The following WDR72 variants were observed in gnomAD, a reference collection of about 807,000 sequenced individuals.
The protein encoded by WDR72 is WD repeat domain 72.
In WDR72, 120 loss-of-function variants were observed where a neutral mutation model predicts 124.2. The observed-to-expected ratio is 0.97, with a 90% confidence interval of 0.83 to 1.12. The LOEUF (loss-of-function observed/expected upper bound fraction) is 1.12, where lower values mean the gene tolerates loss of function less well. Ranked by LOEUF, WDR72 falls within the 50% of genes most tolerant of loss-of-function variation. WDR72 has a pLI of 0.00. For synonymous variants in WDR72, 452 were observed against 441.7 expected, an observed-to-expected ratio of 1.02 and a Z score of -0.29; for missense variants, 1,387 against 1,278.8, an observed-to-expected ratio of 1.08 and a Z score of -1.29.
intron 16 of WDR72, among the ~76,000 whole-genome samples, chr15:53,612,414 C>T (rs1255280295): frequency 6.6e-6 from 1 of 151,952 alleles, no homozygotes; most frequent in Non-Finnish European, 1.5e-5. Context: ...AGTGCTGCTG[C>T]AGTGATAAAG....
At chr15:53,630,167 T>C (rs902208812) in intron 14 of WDR72, among the ~76,000 whole-genome samples, 6 of 151,990 alleles carry the variant, frequency 3.9e-5, no homozygotes, top group African/African-American at 7.2e-5. Context: ...TAAGAAGAAA[T>C]AGAAAGTGGA....
intron 3 of WDR72, among the ~76,000 whole-genome samples, chr15:53,721,249 C>T (rs1327084386): frequency 6.6e-6 from 1 of 152,204 alleles, no homozygotes; most frequent in African/African-American, 2.4e-5. Context: ...CAGAATTCAT[C>T]TTTCATCAAA....
intron 2 of WDR72, among the ~76,000 whole-genome samples, chr15:53,729,680 C>A (rs1372566879): frequency 6.6e-6 from 1 of 152,064 alleles, no homozygotes; most frequent in Non-Finnish European, 1.5e-5. Context: ...CCTGTGTTTG[C>A]AAACTCACCT....
intron 13 of WDR72, among the ~76,000 whole-genome samples, chr15:53,698,450 T>C (rs147485849): frequency 1.5e-3 from 224 of 152,336 alleles, no homozygotes; most frequent in African/African-American, 5.1e-3. Flanking sequence ...TAGTCAACTA[T>C]TACTAAGGGC....
At chr15:53,552,536 A>G (rs1438691262) in intron 18 of WDR72, among the ~76,000 whole-genome samples, 2 of 152,172 alleles carry the variant, frequency 1.3e-5, no homozygotes, top group African/African-American at 4.8e-5. Context: ...AAATGTTTAT[A>G]GTTAATTTTA....
chr15:53,714,181 C>G (rs200726224), intron 6 of WDR72, among the ~76,000 whole-genome samples: 1 of 150,334 alleles, frequency 6.7e-6, no homozygotes, highest in African/African-American at 2.5e-5. Flanking sequence ...TGTAATCTTT[C>G]TGTGTGTGTG....
At chr15:53,747,230 T>C (rs905522551) in intron 1 of WDR72, among the ~76,000 whole-genome samples, 3 of 152,206 alleles carry the variant, frequency 2.0e-5, no homozygotes, top group Non-Finnish European at 4.4e-5. Context: ...CAGATTGTAA[T>C]TAGATCACTC....
At chr15:53,729,300 C>CT (rs1319973221) in intron 2 of WDR72, among the ~76,000 whole-genome samples, 4 of 152,104 alleles carry the variant, frequency 2.6e-5, no homozygotes, top group African/African-American at 9.7e-5. Context: ...GTCTGCTAGC[C>CT]ATAGTCCCTG....
chr15:53,543,910 G>T (rs905016994), intron 18 of WDR72, among the ~76,000 whole-genome samples: 1 of 152,154 alleles, frequency 6.6e-6, no homozygotes, highest in South Asian at 2.1e-4. Flanking sequence ...AGAAAATCTA[G>T]AAGAAATGGA....
rs67659814 is a variant in WDR72, at chr15:53,736,998, AACACACACAC to A, written c.-12-3847_-12-3838del. Reference sequence around the variant, plus strand: ...TGGTGTAAAACAAAGGTAGATGTAAAACACACACACACACACACACACACACACACACACA... The same window carrying A: ...TGGTGTAAAACAAAGGTAGATGTAAAACACACACACACACACACACACACA... On this transcript the variant is annotated intron_variant, in intron 1 of 19. Coordinates refer to ENST00000360509, the MANE Select transcript of WDR72 (RefSeq NM_182758.4). Among the ~76,000 whole-genome samples the A allele has an allele frequency of 1.4e-3, 191 of 141,210 alleles. 2 individuals are homozygous for A. Among genetic ancestry groups the A allele is most frequent in the South Asian group, 9.1e-3 (37 of 4,076 alleles). The allele number at this position is 141,210 out of a possible 152,430, so 92.6% of individuals were successfully genotyped here. A position where few individuals can be genotyped will look rare whatever the true frequency, so the allele number is the denominator to read the frequency against.
At chr15:53,719,791 T>C (rs1355850803) in intron 3 of WDR72, among the ~76,000 whole-genome samples, 1 of 152,126 alleles carries the variant, frequency 6.6e-6, no homozygotes, top group Non-Finnish European at 1.5e-5. Context: ...AAATCTCTAA[T>C]TAAACAAACT....
intron 3 of WDR72, among the ~76,000 whole-genome samples, chr15:53,720,364 T>C (rs1169330327): frequency 6.6e-6 from 1 of 152,192 alleles, no homozygotes; most frequent in Non-Finnish European, 1.5e-5. Context: ...AATGGGTGTA[T>C]ATAAATATCA....
intron 19 of WDR72, among the ~76,000 whole-genome samples, chr15:53,520,383 C>T (rs1377241787): frequency 1.3e-5 from 2 of 151,996 alleles, no homozygotes; most frequent in South Asian, 2.1e-4. Flanking sequence ...CCACATTCAG[C>T]TTTGTAACTG....
chr15:53,517,559 T>A lies in WDR72; in HGVS notation c.*140A>T, dbSNP rs1376965358. 2.4e-6 allele frequency: 2 copies of A among 821,644 alleles called. No homozygotes were observed. Among genetic ancestry groups the A allele is most frequent in the Non-Finnish European group, 4.2e-6 (2 of 477,628 alleles). The allele number at this position is 821,644 out of a possible 1,614,324, so 50.9% of individuals were successfully genotyped here. ...CATGTATTAAAATCACTTTAATACATGTTGGCTAAAGTATTAGCAAATCCA... is the reference window on the plus strand; with the variant it reads ...CATGTATTAAAATCACTTTAATACAAGTTGGCTAAAGTATTAGCAAATCCA... On this transcript the variant is annotated 3_prime_UTR_variant, in exon 20 of 20. Coordinates refer to ENST00000360509, the MANE Select transcript of WDR72 (RefSeq NM_182758.4).
intron 13 of WDR72, among the ~76,000 whole-genome samples, chr15:53,672,879 C>G (rs2016042987): frequency 6.6e-6 from 1 of 152,082 alleles, no homozygotes; most frequent in East Asian, 1.9e-4. Flanking sequence ...CCTGTAATCC[C>G]AGCACTTTGG....
chr15:53,657,035 C>T lies in WDR72; in HGVS notation c.1962+8537G>A, dbSNP rs370602589. Among the ~76,000 whole-genome samples the T allele has an allele frequency of 3.4e-4, 52 of 151,842 alleles. 1 individual carries two copies. The highest frequency in any genetic ancestry group is 3.4e-3 in the Middle Eastern group (1 of 294). On this transcript the variant is annotated intron_variant, in intron 14 of 19. Transcript: ENST00000360509. ...ATCCCAGCACTTTGGGAGGCCAAGGCGGGCAGATCACAAGGTCAGGAGATC... is the reference window on the plus strand; with the variant it reads ...ATCCCAGCACTTTGGGAGGCCAAGGTGGGCAGATCACAAGGTCAGGAGATC...
chr15:53,646,858 G>A (rs1415542341), intron 14 of WDR72, among the ~76,000 whole-genome samples: 1 of 151,972 alleles, frequency 6.6e-6, no homozygotes, highest in East Asian at 1.9e-4. Context: ...GTAATAAAAA[G>A]GAAGTCTCAT....
intron 18 of WDR72, among the ~76,000 whole-genome samples, chr15:53,554,952 A>C (rs1893871578): frequency 6.6e-6 from 1 of 152,104 alleles, no homozygotes. Flanking sequence ...CAAGCTACCA[A>C]AATGATGTCA....
intron 14 of WDR72, among the ~76,000 whole-genome samples, chr15:53,628,653 C>T: frequency 6.6e-6 from 1 of 152,142 alleles, no homozygotes; most frequent in Non-Finnish European, 1.5e-5. Context: ...TAGATGCTTA[C>T]ATCTTTGCTG....
Sources: allele counts gnomAD v4.1 joint callset (sites outside exome capture counted in the v4.1 genomes callset), GRCh38; gene constraint gnomAD v4.1.1; transcripts MANE v1.5; gene names NCBI Gene and HGNC (gene_info 2026-07-23, HGNC 2026-07-21).